Variants in SEMA3A observed in about 807,000 individuals in gnomAD.
SEMA3A encodes the protein semaphorin 3A.
A neutral mutation model predicts 97.9 loss-of-function variants in SEMA3A; 29 were observed. The observed-to-expected ratio is 0.30, with a 90% CI of 0.22 to 0.40. The LOEUF is 0.40. Among genes scored for constraint, SEMA3A ranks in the 10% least tolerant of loss-of-function variants. The pLI, the probability that SEMA3A is intolerant of heterozygous loss-of-function variation, is 1.00. For synonymous variants in SEMA3A, 321 were observed against 323.7 expected (o/e 0.99, Z 0.09); for missense variants, 763 against 951.3 (o/e 0.80, Z 2.60).
At chr7:84,425,853 A>ACAC (rs1804809755) in intron 1 of SEMA3A, among the ~76,000 whole-genome samples, 1 of 110,366 alleles carries the variant, frequency 9.1e-6, no homozygotes, top group Non-Finnish European at 1.8e-5. Flanking sequence ...ATGTTTATAT[A>ACAC]ACACACACAC....
At position 84,362,991 on chromosome 7, in the gene SEMA3A, C is replaced by A. The variant is rs913569209; in HGVS notation, c.-169+8833G>T. Reference sequence around the variant, plus strand: ...AAAAATGGGGAATTTACAAAGTAAACAGCAGTATGGGAGTATATTACTGTA... The same window carrying A: ...AAAAATGGGGAATTTACAAAGTAAAAAGCAGTATGGGAGTATATTACTGTA... On this transcript the variant is annotated intron_variant, in intron 2 of 3. Coordinates refer to the SEMA3A transcript ENST00000424555. Among the ~76,000 whole-genome samples the A allele has an allele frequency of 3.3e-5, 5 of 151,940 alleles. No individual in the cohort carries two copies. In the South Asian group the frequency reaches 6.2e-4, roughly 19 times the overall value.
chr7:84,087,452 T>A (rs1294541402), intron 4 of SEMA3A, among the ~76,000 whole-genome samples: 3 of 152,202 alleles, frequency 2.0e-5, no homozygotes. Flanking sequence ...TACAGCTGGA[T>A]AAGACAGATC....
chr7:84,432,226 A>G (rs1406633590), intron 1 of SEMA3A, among the ~76,000 whole-genome samples: 1 of 152,154 alleles, frequency 6.6e-6, no homozygotes, highest in Non-Finnish European at 1.5e-5. Context: ...ACAGGACAAG[A>G]TATGTGTTGC....
intron 2 of SEMA3A, among the ~76,000 whole-genome samples, chr7:84,330,167 A>G (rs531961926): frequency 5.1e-4 from 78 of 152,118 alleles, no homozygotes; most frequent in Non-Finnish European, 7.9e-4. Context: ...TAGCAGAAAT[A>G]AATATATTAT....
intron 1 of SEMA3A, among the ~76,000 whole-genome samples, chr7:84,388,984 C>T (rs2116167098): frequency 6.6e-6 from 1 of 152,058 alleles, no homozygotes; most frequent in Non-Finnish European, 1.5e-5. Flanking sequence ...AAATCAAAAG[C>T]TGTCCTTGAT....
chr7:84,467,523 T>C (rs1468254236), intron 1 of SEMA3A, among the ~76,000 whole-genome samples: 1 of 96,144 alleles, frequency 1.0e-5, no homozygotes, highest in Non-Finnish European at 1.9e-5. Flanking sequence ...CGAGACTCCT[T>C]CTAAAAAAAA....
intron 15 of SEMA3A, among the ~76,000 whole-genome samples, chr7:83,973,904 GTT>G (rs5885388): frequency 1.8e-4 from 27 of 146,656 alleles, no homozygotes; most frequent in East Asian, 1.4e-3. Flanking sequence ...TGATGGTGTA[GTT>G]TTTTTTTTTT....
chr7:84,346,811 G>T (rs529244692), intron 2 of SEMA3A, among the ~76,000 whole-genome samples: 1 of 152,152 alleles, frequency 6.6e-6, no homozygotes, highest in Non-Finnish European at 1.5e-5. Flanking sequence ...AGAACATGGT[G>T]TTGGAAAAAT....
chr7:84,185,105 T>G (rs553209082), intron 1 of SEMA3A, among the ~76,000 whole-genome samples: 1 of 152,244 alleles, frequency 6.6e-6, no homozygotes, highest in South Asian at 2.1e-4. Context: ...ATTAGAAAAA[T>G]AACGGTATAT....
chr7:83,980,623 A>AAAAAAAAAAAAAAAAATATATATAT (rs1310318006), intron 14 of SEMA3A, among the ~76,000 whole-genome samples: 1 of 71,762 alleles, frequency 1.4e-5, no homozygotes, highest in Non-Finnish European at 2.4e-5. Context: ...AAAAAAAAAA[A>AAAAAAAAAAAAAAAAATATATATAT]ATATATATAT....
intron 1 of SEMA3A, among the ~76,000 whole-genome samples, chr7:84,468,723 G>A (rs1212269938): frequency 6.6e-6 from 1 of 151,934 alleles, no homozygotes; most frequent in East Asian, 1.9e-4. Flanking sequence ...TTACCTTCAT[G>A]TTCAGTATAA....
intron 1 of SEMA3A, among the ~76,000 whole-genome samples, chr7:84,453,426 C>T (rs1244075108): frequency 1.3e-5 from 2 of 151,690 alleles, no homozygotes; most frequent in East Asian, 1.9e-4. Flanking sequence ...TTAGTAGAGA[C>T]GGGGTTTCAC....
At chr7:84,221,737 T>C (rs555443158) in intron 3 of SEMA3A, among the ~76,000 whole-genome samples, 3 of 152,000 alleles carry the variant, frequency 2.0e-5, no homozygotes, top group Non-Finnish European at 4.4e-5. Context: ...TACATAGGCA[T>C]AGTTTATGGC....
At chr7:84,334,551 A>G in intron 2 of SEMA3A, among the ~76,000 whole-genome samples, 1 of 151,608 alleles carries the variant, frequency 6.6e-6, no homozygotes, top group Non-Finnish European at 1.5e-5. Context: ...CTGTTCCCTC[A>G]ATTTTCCTCC....
At chr7:84,245,082 C>A (rs140043728) in intron 3 of SEMA3A, among the ~76,000 whole-genome samples, 3 of 152,122 alleles carry the variant, frequency 2.0e-5, no homozygotes, top group East Asian at 1.9e-4. Context: ...TTGCTCTTCT[C>A]GAGGAATATC....
intron 1 of SEMA3A, among the ~76,000 whole-genome samples, chr7:84,156,092 G>T (rs2116145144): frequency 6.6e-6 from 1 of 151,974 alleles, no homozygotes; most frequent in South Asian, 2.1e-4. Context: ...TTATAATTAG[G>T]ATTTTGTAAA....
chr7:84,268,292 T>TGTGTGTGTGC (rs1270236936), intron 3 of SEMA3A, among the ~76,000 whole-genome samples: 2 of 149,182 alleles, frequency 1.3e-5, no homozygotes, highest in Admixed American at 6.7e-5. Context: ...TGTGTGTGTG[T>TGTGTGTGTGC]GTGCAGGTGC....
intron 1 of SEMA3A, among the ~76,000 whole-genome samples, chr7:84,161,398 A>C (rs2116166208): frequency 6.6e-6 from 1 of 152,292 alleles, no homozygotes; most frequent in Non-Finnish European, 1.5e-5. Context: ...TAATCTAGAA[A>C]TTAACATGTA....
chr7:84,274,619 T>A (rs1800246188), intron 3 of SEMA3A, among the ~76,000 whole-genome samples: 1 of 152,112 alleles, frequency 6.6e-6, no homozygotes, highest in Admixed American at 6.6e-5. Context: ...GAATGCATGT[T>A]CATTCATTCT....
Sources: allele counts gnomAD v4.1 joint callset (sites outside exome capture counted in the v4.1 genomes callset), GRCh38; gene constraint gnomAD v4.1.1; transcripts MANE v1.5; gene names NCBI Gene and HGNC (gene_info 2026-07-23, HGNC 2026-07-21).